DSCAML1: variants seen among roughly 807,000 people sequenced by gnomAD.
DSCAML1 encodes cell adhesion molecule DSCAML1.
In DSCAML1, 38 loss-of-function variants were observed where a neutral mutation model predicts 200.5. The observed-to-expected ratio is 0.19, with a 90% confidence interval of 0.15 to 0.25. The LOEUF is 0.25. Among genes scored for constraint, DSCAML1 ranks in the 10% least tolerant of loss-of-function variants. The pLI is 1.00. For synonymous variants in DSCAML1, 1,215 were observed against 1,165.0 expected (o/e 1.04, Z -0.87); for missense variants, 2,223 against 2,858.8 (o/e 0.78, Z 5.07).
rs147121830 is a variant in DSCAML1 at position 117,746,524 on chromosome 11, A to G, written c.511+30267T>C. On this transcript the variant is annotated intron_variant, in intron 3 of 32. Coordinates refer to ENST00000651296, the MANE Select transcript of DSCAML1 (RefSeq NM_020693.4). ...ACCTGGGGAAGTGCTTGAAGCCCTC[A>G]GGAGAGGGGCCAGTCTCCTCAGATC... Among the ~76,000 whole-genome samples, 1,229 of 152,234 alleles carry G rather than the reference A, an allele frequency of 8.1e-3. 7 individuals are homozygous for G. The highest frequency in any genetic ancestry group is 0.013 in the Non-Finnish European group (896 of 68,008).
chr11:117,546,368 A>T, intron 3 of DSCAML1, among the ~76,000 whole-genome samples: 1 of 152,210 alleles, frequency 6.6e-6, no homozygotes, highest in East Asian at 1.9e-4. Flanking sequence ...TAACGAGTGC[A>T]CCCAGCGCAG....
chr11:117,639,376 G>A (rs1033505689), intron 3 of DSCAML1, among the ~76,000 whole-genome samples: 2 of 148,536 alleles, frequency 1.3e-5, no homozygotes, highest in East Asian at 4.0e-4. Context: ...GGCCGGATGG[G>A]TAGGAGGCTG....
intron 3 of DSCAML1, among the ~76,000 whole-genome samples, chr11:117,766,766 C>T (rs538354076): frequency 3.9e-5 from 6 of 152,190 alleles, no homozygotes; most frequent in African/African-American, 7.2e-5. Flanking sequence ...CACATGCACA[C>T]GCCGCCAGAG....
chr11:117,726,870 A>G (rs1263357672), intron 3 of DSCAML1, among the ~76,000 whole-genome samples: 13 of 152,076 alleles, frequency 8.5e-5, no homozygotes, highest in Admixed American at 8.5e-4. Flanking sequence ...AAGCAGCTCT[A>G]TAGGGACAGG....
At chr11:117,432,269 A>G in intron 30 of DSCAML1, 83 bp downstream of exon 30, 1 of 1,426,104 alleles carries the variant, frequency 7.0e-7, no homozygotes, top group Non-Finnish European at 9.3e-7. Context: ...CCTCCCTTTA[A>G]AAAAAAACAC....
At chr11:117,444,487 C>T (rs1461318674) in intron 20 of DSCAML1, among the ~76,000 whole-genome samples, 1 of 152,170 alleles carries the variant, frequency 6.6e-6, no homozygotes, top group African/African-American at 2.4e-5. Flanking sequence ...TGGCTCCCGT[C>T]ACCTCCTAGC....
rs77525245 is a variant in DSCAML1 at position 117,618,910 on chromosome 11, G to A, written c.512-86388C>T. Among the ~76,000 whole-genome samples the A allele has an allele frequency of 4.8e-3, 736 of 152,252 alleles. 2 individuals carry two copies. The highest frequency in any genetic ancestry group is 0.016 in the African/African-American group (672 of 41,540). On this transcript the variant is annotated intron_variant, in intron 3 of 32. Coordinates refer to ENST00000651296, the MANE Select transcript of DSCAML1 (RefSeq NM_020693.4). ...CTACCGCTCACTGGGGGTGTTCTCA[G>A]GAGACAGGGACCTTCCAGATAGGGT... is the stretch of plus-strand genomic sequence containing the variant.
At chr11:117,626,993 G>A (rs1257478578) in intron 3 of DSCAML1, among the ~76,000 whole-genome samples, 2 of 152,188 alleles carry the variant, frequency 1.3e-5, no homozygotes, top group African/African-American at 4.8e-5. Flanking sequence ...TGGTGCCTGC[G>A]AGACTTTACA....
intron 3 of DSCAML1, among the ~76,000 whole-genome samples, chr11:117,730,365 C>G (rs1440781718): frequency 6.6e-6 from 1 of 152,180 alleles, no homozygotes; most frequent in Non-Finnish European, 1.5e-5. Context: ...AACAGAACCT[C>G]CCCTACAGCC....
chr11:117,587,473 C>G (rs374580133), intron 3 of DSCAML1, among the ~76,000 whole-genome samples: 1 of 152,100 alleles, frequency 6.6e-6, no homozygotes, highest in Admixed American at 6.5e-5. Context: ...TCTCTGTCAT[C>G]CTGGTCCAGG....
rs1395364931 is a variant in DSCAML1 at position 117,428,953 on chromosome 11, G to C, written c.5687-150C>G. ...GGGGGCAATAAAGAGTAGCGGAAAGGTCGGGTACTTGGCCCTTCTGAGCCT... is the reference window on the plus strand; with the variant it reads ...GGGGGCAATAAAGAGTAGCGGAAAGCTCGGGTACTTGGCCCTTCTGAGCCT... On this transcript the variant is annotated intron_variant, in intron 32 of 32. Coordinates refer to ENST00000651296, the MANE Select transcript of DSCAML1 (RefSeq NM_020693.4). The C allele has an allele frequency of 6.9e-5, 47 of 679,554 alleles. No individual in the cohort carries two copies. The East Asian group carries it at 1.2e-3, about 18-fold the overall frequency. 42.1% of individuals were successfully genotyped at this position (679,554 alleles called of 1,614,324 possible).
intron 3 of DSCAML1, among the ~76,000 whole-genome samples, chr11:117,567,784 T>C (rs887592672): frequency 3.3e-5 from 5 of 152,178 alleles, no homozygotes; most frequent in African/African-American, 1.2e-4. Flanking sequence ...AGCCGAATTC[T>C]ATCAGAGGTA....
intron 21 of DSCAML1, 75 bp from the exon 22 acceptor site, chr11:117,440,011 C>T (rs2048011091): frequency 1.0e-5 from 13 of 1,299,088 alleles, no homozygotes; most frequent in Non-Finnish European, 1.3e-5. Flanking sequence ...CTTAGGGCCC[C>T]CTGGATTTAC....
chr11:117,541,946 C>T (rs1377928944), intron 3 of DSCAML1, among the ~76,000 whole-genome samples: 3 of 152,230 alleles, frequency 2.0e-5, no homozygotes, highest in Non-Finnish European at 4.4e-5. Flanking sequence ...CAACACAGGG[C>T]TGCTGGTTTC....
chr11:117,739,949 G>C (rs1591458776), intron 3 of DSCAML1, among the ~76,000 whole-genome samples: 1 of 152,326 alleles, frequency 6.6e-6, no homozygotes, highest in East Asian at 1.9e-4. Flanking sequence ...AGATCCATCT[G>C]CTCAGACACT....
chr11:117,577,191 G>T (rs1008374891), intron 3 of DSCAML1, among the ~76,000 whole-genome samples: 1 of 152,054 alleles, frequency 6.6e-6, no homozygotes, highest in African/African-American at 2.4e-5. Context: ...CAAGATTATT[G>T]GTTCTCAGAT....
intron 20 of DSCAML1, among the ~76,000 whole-genome samples, chr11:117,444,242 G>A (rs541309217): frequency 2.0e-5 from 3 of 152,322 alleles, no homozygotes; most frequent in East Asian, 3.9e-4. Context: ...TGATGGGCCT[G>A]CCTCGCGGTG....
At position 117,642,582 on chromosome 11, in the gene DSCAML1, TG is replaced by T. The variant is rs2052434367; in HGVS notation, c.512-110061del. Among the ~76,000 whole-genome samples the T allele has an allele frequency of 6.6e-6, 1 of 152,146 alleles. No homozygotes were observed. Among genetic ancestry groups the T allele is most frequent in the Admixed American group, 6.5e-5 (1 of 15,288 alleles). On this transcript the variant is annotated intron_variant, in intron 3 of 32. Coordinates refer to ENST00000651296, the MANE Select transcript of DSCAML1 (RefSeq NM_020693.4). This position sits in a 1 kb window ranked among gnomAD's most constrained non-coding sequence, Gnocchi z 4.1. Reference sequence around the variant, plus strand: ...TGGAAGGAGCAATGGTGAGACACAGTGGGGCTGTATCCCTGTGGATGGACAG... The same window carrying T: ...TGGAAGGAGCAATGGTGAGACACAGTGGGCTGTATCCCTGTGGATGGACAG...
intron 3 of DSCAML1, among the ~76,000 whole-genome samples, chr11:117,549,767 A>G (rs1015311007): frequency 6.6e-6 from 1 of 152,146 alleles, no homozygotes; most frequent in Admixed American, 6.5e-5. Flanking sequence ...ACTGTTAAAA[A>G]TCCTCTGCTG....
Sources: gnomAD v4.1 joint callset for allele counts (sites outside exome capture counted in the v4.1 genomes callset) on GRCh38, gnomAD v4.1.1 for gene constraint, Gnocchi (gnomAD v3.1) non-coding constraint, MANE v1.5 for transcripts, NCBI Gene and HGNC (gene_info 2026-07-23, HGNC 2026-07-21) for gene names.